The following PECAM1 variants were observed in gnomAD, a reference collection of about 807,000 sequenced individuals.
PECAM1 encodes the protein platelet endothelial cell adhesion molecule.
A neutral mutation model predicts 13.8 loss-of-function variants in PECAM1; 8 were observed. That is an observed-to-expected ratio of 0.58 (90% CI 0.34 to 1.05). PECAM1 has a LOEUF of 1.05. Among genes scored for constraint, PECAM1 ranks in the 50% least tolerant of loss-of-function variants. The probability of loss-of-function intolerance (pLI) is 0.03; values close to 1 mark genes in which losing one functional copy is unlikely to be tolerated. For missense variants in PECAM1, 304 were observed against 141.2 expected, an observed-to-expected ratio of 2.15 and a Z score of -5.84; for synonymous variants, 136 against 52.6, an observed-to-expected ratio of 2.58 and a Z score of -6.86.
intron 15 of PECAM1, among the ~76,000 whole-genome samples, chr17:64,325,644 G>T (rs1567998452): frequency 6.6e-6 from 1 of 152,208 alleles, no homozygotes; most frequent in Non-Finnish European, 1.5e-5. Context: ...GGCTGAGGTG[G>T]GAGGATCACT....
At chr17:64,340,618 G>T (rs936063503) in intron 14 of PECAM1, among the ~76,000 whole-genome samples, 3 of 151,928 alleles carry the variant, frequency 2.0e-5, no homozygotes, top group Non-Finnish European at 2.9e-5. Flanking sequence ...CCCCCCCACC[G>T]AAAAAAAGGA....
chr17:64,345,193 G>A (rs1196948356), intron 13 of PECAM1, among the ~76,000 whole-genome samples: 1 of 152,012 alleles, frequency 6.6e-6, no homozygotes, highest in East Asian at 1.9e-4. Flanking sequence ...ACCAGGGCCG[G>A]GCGCAGTGGC....
At chr17:64,336,757 CTGAGGCGGGAGGATCGCT>C (rs1487610604) in intron 14 of PECAM1, among the ~76,000 whole-genome samples, 22 of 152,228 alleles carry the variant, frequency 1.4e-4, no homozygotes, top group African/African-American at 5.3e-4. Context: ...TCTCCAGAGG[CTGAGGCGGGAGGATCGCT>C]TGAGCCCAGG....
At chr17:64,351,328 AAT>A (rs1487707990) in intron 11 of PECAM1, among the ~76,000 whole-genome samples, 1 of 152,216 alleles carries the variant, frequency 6.6e-6, no homozygotes, top group Non-Finnish European at 1.5e-5. Context: ...TCTCAAGCAA[AAT>A]ATGTCTCTGT....
At chr17:64,358,421 G>A (rs2035897080) in intron 7 of PECAM1, among the ~76,000 whole-genome samples, 2 of 152,164 alleles carry the variant, frequency 1.3e-5, no homozygotes, top group Admixed American at 6.5e-5. Context: ...ACCTGGCTGC[G>A]CACAGTCTTT....
chr17:64,365,609 T>C (rs1261391788), intron 5 of PECAM1, among the ~76,000 whole-genome samples: 118 of 152,228 alleles, frequency 7.8e-4, no homozygotes, highest in Admixed American at 6.7e-3. Context: ...AGCATGGTAC[T>C]GGTACCAAAA....
At chr17:64,339,763 T>C (rs991024123) in intron 14 of PECAM1, among the ~76,000 whole-genome samples, 54 of 152,354 alleles carry the variant, frequency 3.5e-4, no homozygotes, top group African/African-American at 1.2e-3. Flanking sequence ...TCTATTCTTC[T>C]TGTAGATATA....
In PECAM1 at chr17:64,390,111, A is replaced by C. The variant is rs886682741; in HGVS notation, c.91+378T>G. 408 of 225,640 alleles carry C rather than the reference A, an allele frequency of 1.8e-3. 3 individuals are homozygous for C. The highest frequency in any genetic ancestry group is 8.7e-3 in the African/African-American group (389 of 44,488). The allele number at this position is 225,640 out of a possible 1,614,324, so 14.0% of individuals were successfully genotyped here. ...ATTGTGTTTTTTGCCATCTTTTAAA[A>C]AAGTAATGGCAAAAACCACAATTAC... On this transcript the variant is annotated intron_variant, in intron 2 of 15. Coordinates refer to ENST00000563924, the MANE Select transcript of PECAM1 (RefSeq NM_000442.5).
chr17:64,371,010 C>A (rs929085088), intron 4 of PECAM1, among the ~76,000 whole-genome samples: 2 of 152,114 alleles, frequency 1.3e-5, no homozygotes, highest in South Asian at 4.1e-4. Context: ...GGGAAGGCAT[C>A]CTTTACATGC....
intron 2 of PECAM1, among the ~76,000 whole-genome samples, chr17:64,380,785 G>A (rs973371839): frequency 4.1e-4 from 62 of 152,232 alleles, no homozygotes; most frequent in Non-Finnish European, 7.8e-4. Context: ...CCAGGAGTTC[G>A]AGATCAGCCT....
chr17:64,336,555 A>G (rs2143710300), intron 14 of PECAM1, among the ~76,000 whole-genome samples: 1 of 152,350 alleles, frequency 6.6e-6, no homozygotes, highest in Non-Finnish European at 1.5e-5. Flanking sequence ...AATTCCTCAA[A>G]TGGGATGCCT....
In PECAM1 at chr17:64,338,843, G is replaced by A. The variant is rs118198641; in HGVS notation, c.2164+2791C>T. On this transcript the variant is annotated intron_variant, in intron 14 of 15. Coordinates refer to ENST00000563924, the MANE Select transcript of PECAM1 (RefSeq NM_000442.5). ...CAAAGTGCTGGGATTACAGGCGTGA[G>A]CCACTGCGATCAGCCTAAGATGCTT... Among the ~76,000 whole-genome samples, 661 of 152,332 alleles carry A rather than the reference G, an allele frequency of 4.3e-3. 5 individuals are homozygous for A. Among genetic ancestry groups the A allele is most frequent in the African/African-American group, 0.015 (640 of 41,576 alleles).
intron 2 of PECAM1, chr17:64,378,920 A>C (rs1379514124): frequency 6.6e-6 from 1 of 152,380 alleles, no homozygotes. Flanking sequence ...TGCTACCTCC[A>C]TTCCGAAACC....
chr17:64,364,444 A>T (rs770256128), intron 5 of PECAM1, among the ~76,000 whole-genome samples: 1 of 152,204 alleles, frequency 6.6e-6, no homozygotes, highest in Non-Finnish European at 1.5e-5. Context: ...AGTCAATAGA[A>T]AAAGAGGGAA....
intron 7 of PECAM1, among the ~76,000 whole-genome samples, chr17:64,359,693 C>T (rs1027704919): frequency 1.3e-5 from 2 of 151,560 alleles, no homozygotes; most frequent in South Asian, 2.1e-4. Flanking sequence ...CTTTACTGAA[C>T]CTTGGCCCTG....
intron 12 of PECAM1, 84 bp from the exon 13 acceptor site, chr17:64,348,406 T>TA: frequency 7.4e-6 from 3 of 406,242 alleles, no homozygotes; most frequent in South Asian, 9.8e-5. Flanking sequence ...GACTTTCTTT[T>TA]CTTTTTTTTT....
At chr17:64,332,447 G>T (rs573107022) in intron 14 of PECAM1, among the ~76,000 whole-genome samples, 1 of 152,312 alleles carries the variant, frequency 6.6e-6, no homozygotes, top group East Asian at 1.9e-4. Context: ...AATACGGATG[G>T]AACACTTACT....
intron 6 of PECAM1, among the ~76,000 whole-genome samples, chr17:64,362,833 G>A (rs1409804826): frequency 7.0e-5 from 4 of 57,238 alleles, no homozygotes; most frequent in South Asian, 4.2e-3. Flanking sequence ...TGGGCGACAC[G>A]TCTCAAAAAA....
chr17:64,390,853 TG>T lies in PECAM1; in HGVS notation c.-189del. ...CTGGTCAGGTAATGGCAGCCATGGCTGGAAACCGGGAACAATGGGGCCTGGG... is the reference window on the plus strand; with the variant it reads ...CTGGTCAGGTAATGGCAGCCATGGCTGAAACCGGGAACAATGGGGCCTGGG... On this transcript the variant is annotated 5_prime_UTR_variant, in exon 1 of 16. Transcript: ENST00000563924. The T allele has an allele frequency of 2.5e-6, 1 of 396,456 alleles. No homozygotes were observed. The highest frequency in any genetic ancestry group is 4.4e-6 in the Non-Finnish European group (1 of 225,164). 24.6% of individuals were successfully genotyped at this position (396,456 alleles called of 1,614,324 possible). A position where few individuals can be genotyped will look rare whatever the true frequency, so the allele number is the denominator to read the frequency against.
Sources: allele counts gnomAD v4.1 joint callset (sites outside exome capture counted in the v4.1 genomes callset), GRCh38; gene constraint gnomAD v4.1.1; transcripts MANE v1.5; gene names NCBI Gene and HGNC (gene_info 2026-07-23, HGNC 2026-07-21).